Variants in WDR59 observed in about 807,000 individuals in gnomAD.
WDR59 encodes WD repeat domain 59, also known as GATOR2 complex protein WDR59.
WDR59 carries 100 observed loss-of-function variants against 131.2 expected under a neutral mutation model. That is an observed-to-expected ratio of 0.76 (90% CI 0.65 to 0.90). The LOEUF is 0.90. Among genes scored for constraint, WDR59 ranks in the 40% least tolerant of loss-of-function variants. The pLI is 0.00. For missense variants in WDR59, 1,203 were observed against 1,262.2 expected, an observed-to-expected ratio of 0.95 and a Z score of 0.71; for synonymous variants, 601 against 466.2, an observed-to-expected ratio of 1.29 and a Z score of -3.72.
chr16:74,918,094 A>G, intron 10 of WDR59, 86 bp from the exon 11 acceptor site: 1 of 1,334,348 alleles, frequency 7.5e-7, no homozygotes, highest in East Asian at 2.3e-5. Flanking sequence ...AGATTCATCC[A>G]TCCATTCAAC....
chr16:74,942,352 C>A (rs908086145), intron 7 of WDR59, among the ~76,000 whole-genome samples: 1 of 152,106 alleles, frequency 6.6e-6, no homozygotes, highest in African/African-American at 2.4e-5. Context: ...CAAGCAGGGG[C>A]AGGGATAAGA....
chr16:74,947,792 C>T (rs1162684833), intron 6 of WDR59, among the ~76,000 whole-genome samples: 1 of 152,044 alleles, frequency 6.6e-6, no homozygotes, highest in Non-Finnish European at 1.5e-5. Context: ...ACAAGAGGGC[C>T]GGGCATGGTG....
chr16:74,909,630 G>T lies in WDR59; in HGVS notation c.1513C>A (p.Pro505Thr). 6.3e-7 allele frequency: 1 copy of T among 1,587,834 alleles called. No individual in the cohort carries two copies. Among genetic ancestry groups the T allele is most frequent in the Non-Finnish European group, 8.5e-7 (1 of 1,169,806 alleles). ...VNQEDSASSN[P>T]FALPNSVTPP... ...GTGACAGAGTTGGGGAGTGCAAACG[G>T]GTTGCTGGAAGCGCTGTCTTCCTGG... Residue 505 changes from proline (P) to threonine (T), a missense_variant, in exon 16 of 26, where the codon CCG becomes ACG. Physicochemically the swap from Pro to Thr is conservative, Grantham distance 38. Coordinates refer to ENST00000262144, the MANE Select transcript of WDR59 (RefSeq NM_030581.4).
intron 2 of WDR59, among the ~76,000 whole-genome samples, chr16:74,963,601 G>A (rs950725677): frequency 6.6e-6 from 1 of 151,946 alleles, no homozygotes; most frequent in African/African-American, 2.4e-5. Context: ...GGGCCAGGGG[G>A]AGGGAGAGCA....
In WDR59 at chr16:74,938,211, A is replaced by G; in HGVS notation, c.590T>C (p.Leu197Pro). The stretch of plus-strand genomic sequence containing the variant: ...GTGCTCGCTGTCTGGGTGCCAGTCC[A>G]GGCCATGGATTTTGGAGAGGTGGGC... ...LAAHLSKIHG[L>P]DWHPDSEHIL... The change falls in exon 8 of 26, where the codon CTG becomes CCG. Residue 197 changes from leucine to proline, a missense_variant. Transcript: ENST00000262144. The G allele has an allele frequency of 6.4e-7, 1 of 1,569,200 alleles. No individual in the cohort carries two copies. The highest frequency in any genetic ancestry group is 8.6e-7 in the Non-Finnish European group (1 of 1,156,884).
At chr16:74,882,513 G>A (rs879621610) in intron 25 of WDR59, among the ~76,000 whole-genome samples, 5 of 152,074 alleles carry the variant, frequency 3.3e-5, no homozygotes, top group Admixed American at 6.6e-5. Context: ...CAGGCACATC[G>A]CTTGAGGCCA....
intron 15 of WDR59, 44 bp downstream of exon 15, chr16:74,909,778 A>G (rs1401823952): frequency 6.3e-7 from 1 of 1,589,946 alleles, no homozygotes. Flanking sequence ...AAATGAAACA[A>G]AACACCAAAG....
At chr16:74,934,490 T>C (rs1007018638) in intron 8 of WDR59, among the ~76,000 whole-genome samples, 1 of 152,210 alleles carries the variant, frequency 6.6e-6, no homozygotes, top group Non-Finnish European at 1.5e-5. Context: ...AACGATTATA[T>C]GTCATTTGCA....
chr16:74,925,886 G>C (rs965496776), intron 8 of WDR59, among the ~76,000 whole-genome samples: 1 of 151,816 alleles, frequency 6.6e-6, no homozygotes, highest in African/African-American at 2.4e-5. Flanking sequence ...TTGGGAGGCT[G>C]AAGTGGGAGG....
At chr16:74,956,389 ATTCTC>A in intron 3 of WDR59, 81 bp downstream of exon 3, 2 of 1,505,506 alleles carry the variant, frequency 1.3e-6, no homozygotes, top group Non-Finnish European at 1.8e-6. Context: ...TGAGGACTGC[ATTCTC>A]TTCTCTACAC....
At chr16:74,881,704 C>A (rs955558905) in intron 25 of WDR59, among the ~76,000 whole-genome samples, 1 of 151,780 alleles carries the variant, frequency 6.6e-6, no homozygotes, top group Non-Finnish European at 1.5e-5. Flanking sequence ...GAAACCGTGT[C>A]TCTACTAAAA....
intron 11 of WDR59, 51 bp downstream of exon 11, chr16:74,917,878 A>C (rs969017154): frequency 1.3e-6 from 2 of 1,525,452 alleles, no homozygotes; most frequent in Non-Finnish European, 1.8e-6. Flanking sequence ...TGAATCTTAC[A>C]CTTTTTGGTG....
chr16:74,918,920 C>A (rs1053615373), intron 10 of WDR59, among the ~76,000 whole-genome samples: 1 of 152,156 alleles, frequency 6.6e-6, no homozygotes, highest in African/African-American at 2.4e-5. Flanking sequence ...TCATACATCA[C>A]TAGGCACAGC....
At chr16:74,876,021 C>T (rs769040293) in intron 25 of WDR59, among the ~76,000 whole-genome samples, 3 of 152,138 alleles carry the variant, frequency 2.0e-5, no homozygotes, top group Admixed American at 1.3e-4. Flanking sequence ...CTGCCAGCCT[C>T]GTCTCTCACT....
rs148484006 is a variant in WDR59, at chr16:74,879,880, A to C, written c.2690-5436T>G. 2.3e-4 allele frequency among the ~76,000 whole-genome samples: 35 copies of C among 152,286 alleles called. 1 individual carries two copies. Among genetic ancestry groups the C allele is most frequent in the Non-Finnish European group, 4.3e-4 (29 of 68,024 alleles). On this transcript the variant is annotated intron_variant, in intron 25 of 25. Transcript: ENST00000262144. ...GCCTTTTCTTTTCATGACAAAATAT[A>C]CAGGTTCAGTGAGAGTCTGCTGGGG...
rs368592748 is a variant in WDR59, at chr16:74,952,219, C to T, written c.241-676G>A. ...CCTGTAATCCCAGCACTTTAAGAGG[C>T]TGCTTGAGCCCAGGAGTTCAAGACC... On this transcript the variant is annotated intron_variant, in intron 3 of 25. Coordinates refer to ENST00000262144, the MANE Select transcript of WDR59 (RefSeq NM_030581.4). Among the ~76,000 whole-genome samples, 24 of 151,890 alleles carry T rather than the reference C, an allele frequency of 1.6e-4. No individual in the cohort carries two copies. In the South Asian group the frequency reaches 5.0e-3, roughly 32 times the overall value.
intron 25 of WDR59, among the ~76,000 whole-genome samples, chr16:74,882,553 C>T (rs549661357): frequency 1.3e-5 from 2 of 152,080 alleles, no homozygotes; most frequent in African/African-American, 2.4e-5. Context: ...GCCAACATAG[C>T]GAAACCCCGT....
intron 3 of WDR59, among the ~76,000 whole-genome samples, chr16:74,954,588 G>A (rs1345000657): frequency 6.6e-6 from 1 of 152,148 alleles, no homozygotes; most frequent in Non-Finnish European, 1.5e-5. Context: ...ATAGTTTGGT[G>A]GTTCCCTCCA....
At chr16:74,938,521 T>G (rs996271797) in intron 7 of WDR59, among the ~76,000 whole-genome samples, 1 of 152,084 alleles carries the variant, frequency 6.6e-6, no homozygotes, top group Non-Finnish European at 1.5e-5. Context: ...GGATACAAGG[T>G]AGTAGGTGCT....
Sources: allele counts gnomAD v4.1 joint callset (sites outside exome capture counted in the v4.1 genomes callset), GRCh38; gene constraint gnomAD v4.1.1; transcripts MANE v1.5; gene names NCBI Gene and HGNC (gene_info 2026-07-23, HGNC 2026-07-21).